LRRIQ3: variants seen among roughly 807,000 people sequenced by gnomAD.
LRRIQ3 encodes the protein leucine-rich repeat and IQ domain-containing protein 3.
In LRRIQ3, 75 loss-of-function variants were observed where a neutral mutation model predicts 59.3. The observed-to-expected ratio is 1.26, with a 90% CI of 1.05 to 1.53. The LOEUF (loss-of-function observed/expected upper bound fraction) is 1.53. Among genes scored for constraint, LRRIQ3 ranks in the 40% most tolerant of loss-of-function variants. LRRIQ3 has a pLI of 0.00. For missense variants in LRRIQ3, 831 were observed against 710.0 expected (o/e 1.17, Z -1.94); for synonymous variants, 250 against 231.3 (o/e 1.08, Z -0.73).
intron 5 of LRRIQ3, chr1:74,094,994 C>G (rs1488024548): frequency 6.6e-6 from 1 of 152,078 alleles, no homozygotes; most frequent in Non-Finnish European, 1.5e-5. Context: ...TATTTCTTAG[C>G]CTCTTGTAGC....
chr1:74,185,681 C>T (rs1359024687), intron 1 of LRRIQ3, among the ~76,000 whole-genome samples: 2 of 152,122 alleles, frequency 1.3e-5, no homozygotes, highest in South Asian at 2.1e-4. Flanking sequence ...CAGTGGCTCA[C>T]GCCTGTAATC....
At chr1:74,067,978 A>T (rs1055794923) in intron 6 of LRRIQ3, among the ~76,000 whole-genome samples, 7 of 152,076 alleles carry the variant, frequency 4.6e-5, no homozygotes, top group African/African-American at 1.7e-4. Context: ...AACATAGTCA[A>T]GTACAACCAA....
intron 3 of LRRIQ3, among the ~76,000 whole-genome samples, chr1:74,174,947 T>C (rs1030399614): frequency 4.6e-5 from 7 of 152,244 alleles, no homozygotes; most frequent in South Asian, 2.1e-4. Flanking sequence ...GATGGTAGAA[T>C]GTTTCCCTTA....
chr1:74,048,155 G>GACTA (rs1654258983), intron 6 of LRRIQ3, among the ~76,000 whole-genome samples: 1 of 152,154 alleles, frequency 6.6e-6, no homozygotes, highest in Non-Finnish European at 1.5e-5. Context: ...AGCTTGAACA[G>GACTA]ACTAACACAA....
At chr1:74,039,487 G>A (rs975498178) in intron 7 of LRRIQ3, among the ~76,000 whole-genome samples, 1 of 152,052 alleles carries the variant, frequency 6.6e-6, no homozygotes, top group Non-Finnish European at 1.5e-5. Flanking sequence ...ACACCACTAA[G>A]ATACTCCATG....
Position 74,155,787 on chromosome 1 carries a change from G to T in LRRIQ3, c.653C>A (p.Pro218Gln), listed in dbSNP as rs781593319. Residue 218 changes from proline (P) to glutamine (Q), a missense_variant, in exon 4 of 8, where the codon CCA becomes CAA. Transcript: ENST00000354431. The part of the protein sequence containing the change: ...KINAILAHNS[P>Q]VLIVQRWIRG... ...TATCCATCTTTGAACAATCAAAACTGGTGAATTATGAGCCAGAATTGCATT... is the reference window on the plus strand; with the variant it reads ...TATCCATCTTTGAACAATCAAAACTTGTGAATTATGAGCCAGAATTGCATT... The T allele has an allele frequency of 6.3e-7, 1 of 1,583,546 alleles. No individual in the cohort carries two copies. Among genetic ancestry groups the T allele is most frequent in the Admixed American group, 1.8e-5 (1 of 54,928 alleles).
At chr1:74,076,201 T>C (rs1188454347) in intron 5 of LRRIQ3, among the ~76,000 whole-genome samples, 2 of 152,152 alleles carry the variant, frequency 1.3e-5, no homozygotes, top group Admixed American at 1.3e-4. Context: ...TATGATACTT[T>C]CTTTGGTAAG....
At chr1:74,138,955 C>T (rs1191483836) in intron 4 of LRRIQ3, among the ~76,000 whole-genome samples, 2 of 151,568 alleles carry the variant, frequency 1.3e-5, no homozygotes, top group African/African-American at 2.4e-5. Context: ...GAGGCCAACA[C>T]TTGAGGCCAG....
intron 7 of LRRIQ3, among the ~76,000 whole-genome samples, chr1:74,029,071 T>C (rs1256955329): frequency 6.6e-6 from 1 of 152,140 alleles, no homozygotes; most frequent in East Asian, 1.9e-4. Context: ...TTTTGTATCC[T>C]GAGACTTTGC....
intron 6 of LRRIQ3, among the ~76,000 whole-genome samples, chr1:74,062,624 G>GCA (rs1654751897): frequency 6.6e-6 from 1 of 152,076 alleles, no homozygotes; most frequent in Admixed American, 6.6e-5. Flanking sequence ...AGAAAATGTG[G>GCA]TATATACACA....
intron 4 of LRRIQ3, among the ~76,000 whole-genome samples, chr1:74,145,815 G>A (rs939269115): frequency 1.3e-5 from 2 of 151,918 alleles, no homozygotes; most frequent in African/African-American, 4.8e-5. Flanking sequence ...TATCTATGAA[G>A]TAATTATATT....
At chr1:74,049,695 C>A (rs562637000) in intron 6 of LRRIQ3, among the ~76,000 whole-genome samples, 4 of 152,162 alleles carry the variant, frequency 2.6e-5, no homozygotes, top group South Asian at 2.1e-4. Context: ...TTTTGCAGTT[C>A]ATACTTTTCA....
intron 7 of LRRIQ3, among the ~76,000 whole-genome samples, chr1:74,040,040 C>T (rs1223763317): frequency 6.6e-6 from 1 of 152,064 alleles, no homozygotes; most frequent in Non-Finnish European, 1.5e-5. Flanking sequence ...TTCAGGAGAC[C>T]CATCTCACGT....
chr1:74,157,161 C>T (rs1648383578), intron 3 of LRRIQ3, among the ~76,000 whole-genome samples: 3 of 152,056 alleles, frequency 2.0e-5, no homozygotes, highest in South Asian at 4.1e-4. Flanking sequence ...TGACACTATT[C>T]GATACTCTTC....
rs542749747 is a variant in LRRIQ3 at position 74,193,590 on chromosome 1, T to G, written c.-1+4406A>C. Among the ~76,000 whole-genome samples, 14 of 152,272 alleles carry G rather than the reference T, an allele frequency of 9.2e-5. No homozygotes were observed. The South Asian group carries it at 2.9e-3, about 32-fold the overall frequency. On this transcript the variant is annotated intron_variant, in intron 1 of 7. Coordinates refer to ENST00000354431, the MANE Select transcript of LRRIQ3 (RefSeq NM_001105659.2). ...ATATTTATTTCTTTTCCAAATGTGA[T>G]ACATAATAAATATTGGGAAAAAAGT...
intron 4 of LRRIQ3, among the ~76,000 whole-genome samples, chr1:74,111,975 A>G (rs1570134011): frequency 6.6e-6 from 1 of 152,234 alleles, no homozygotes; most frequent in Non-Finnish European, 1.5e-5. Flanking sequence ...TCATCCCTCC[A>G]GCTCCCACTG....
chr1:74,085,845 T>C (rs1237299545), intron 5 of LRRIQ3, among the ~76,000 whole-genome samples: 1 of 152,020 alleles, frequency 6.6e-6, no homozygotes, highest in Non-Finnish European at 1.5e-5. Flanking sequence ...TCTCAATAAT[T>C]GACTGATTGA....
chr1:74,061,110 A>C (rs1305387430), intron 6 of LRRIQ3, among the ~76,000 whole-genome samples: 4 of 152,146 alleles, frequency 2.6e-5, no homozygotes, highest in Admixed American at 1.3e-4. Context: ...TCAATGTACA[A>C]AAGTAATAAC....
rs182948603 is a variant in LRRIQ3 at position 74,128,231 on chromosome 1, C to T, written c.708-18678G>A. 1.9e-3 allele frequency among the ~76,000 whole-genome samples: 289 copies of T among 152,062 alleles called. 3 individuals carry two copies. The highest frequency in any genetic ancestry group is 3.9e-3 in the Admixed American group (59 of 15,230). On this transcript the variant is annotated intron_variant, in intron 4 of 7. Coordinates refer to ENST00000354431, the MANE Select transcript of LRRIQ3 (RefSeq NM_001105659.2). ...GTTAAATCTCTTTGGTGTACAATAG[C>T]TTTCTTGTACTTAGATATTGACATC...
Sources: gnomAD v4.1 joint callset for allele counts (sites outside exome capture counted in the v4.1 genomes callset) on GRCh38, gnomAD v4.1.1 for gene constraint, MANE v1.5 for transcripts, NCBI Gene and HGNC (gene_info 2026-07-23, HGNC 2026-07-21) for gene names.